The following EDA variants were observed in gnomAD, a reference collection of about 807,000 sequenced individuals.
EDA encodes the protein ectodysplasin A.
In EDA, 2 loss-of-function variants were observed where a neutral mutation model predicts 23.6. That is an observed-to-expected ratio of 0.08 (90% CI 0.03 to 0.27). The LOEUF (loss-of-function observed/expected upper bound fraction) is 0.27, where lower values mean the gene tolerates loss of function less well. Ranked by LOEUF, EDA falls within the 10% of genes least tolerant of loss-of-function variation. The pLI is 1.00. For missense variants in EDA, 229 were observed against 324.2 expected (o/e 0.71, Z 2.26); for synonymous variants, 131 against 132.0 (o/e 0.99, Z 0.05).
At chrX:69,686,239 C>T (rs936721785) in intron 1 of EDA, among the ~76,000 whole-genome samples, 11 of 112,148 alleles carry the variant, frequency 9.8e-5, no homozygotes, top group African/African-American at 9.7e-5. Context: ...TCAGGTAATC[C>T]GCCCACCTTG....
intron 2 of EDA, among the ~76,000 whole-genome samples, chrX:69,976,898 C>T (rs1248962679): frequency 9.0e-6 from 1 of 111,249 alleles, no homozygotes; most frequent in Non-Finnish European, 1.9e-5. Context: ...AAGCCTTGGA[C>T]TAAGTGCCAT....
At chrX:69,701,784 A>G (rs1314966149) in intron 1 of EDA, among the ~76,000 whole-genome samples, 2 of 111,021 alleles carry the variant, frequency 1.8e-5, no homozygotes, top group Non-Finnish European at 3.8e-5. Flanking sequence ...TGACTGCTTT[A>G]TGGACACCCT....
intron 1 of EDA, among the ~76,000 whole-genome samples, chrX:69,653,491 G>A (rs1388991878): frequency 1.8e-5 from 2 of 110,765 alleles, no homozygotes; most frequent in Admixed American, 9.7e-5. Flanking sequence ...TGATTGCCCT[G>A]GCCAGAACTT....
chrX:69,899,543 T>C (rs965549159), intron 1 of EDA, among the ~76,000 whole-genome samples: 1 of 110,488 alleles, frequency 9.1e-6, no homozygotes, highest in Non-Finnish European at 1.9e-5. Flanking sequence ...TGTGTGTGTG[T>C]TTGTGTGCGT....
chrX:69,997,889 G>A (rs760130370), intron 2 of EDA, among the ~76,000 whole-genome samples: 9 of 112,581 alleles, frequency 8.0e-5, no homozygotes, highest in African/African-American at 2.6e-4. Flanking sequence ...TCAAGAATTG[G>A]GGTTTAGGAA....
intron 1 of EDA, among the ~76,000 whole-genome samples, chrX:69,942,370 A>G (rs139881431): frequency 0.013 from 1,454 of 111,118 alleles, 32 homozygotes; most frequent in African/African-American, 0.044. Context: ...TTTTTGTAGG[A>G]CAGGCCTGGT....
At chrX:69,976,759 A>T (rs1200784893) in intron 2 of EDA, among the ~76,000 whole-genome samples, 1 of 105,338 alleles carries the variant, frequency 9.5e-6, no homozygotes, top group Non-Finnish European at 1.9e-5. Flanking sequence ...GGTAGCTGTG[A>T]CAGGGGGAGG....
intron 1 of EDA, among the ~76,000 whole-genome samples, chrX:69,837,252 A>C (rs1163778733): frequency 8.9e-6 from 1 of 111,819 alleles, no homozygotes; most frequent in East Asian, 2.8e-4. Context: ...CCACAATCAG[A>C]GTTGTGGCTT....
At chrX:69,944,698 C>T (rs1025186225) in intron 1 of EDA, among the ~76,000 whole-genome samples, 2 of 111,882 alleles carry the variant, frequency 1.8e-5, no homozygotes, top group Non-Finnish European at 3.8e-5. Context: ...CACTAGATTA[C>T]GTGCATTCCA....
chrX:69,801,693 T>A (rs781456553), intron 1 of EDA, among the ~76,000 whole-genome samples: 73 of 111,847 alleles, frequency 6.5e-4, no homozygotes, highest in African/African-American at 2.2e-3. Flanking sequence ...ATTATAAAAA[T>A]GATTTGAATA....
chrX:69,833,252 G>A (rs967938188), intron 1 of EDA, among the ~76,000 whole-genome samples: 28 of 110,573 alleles, frequency 2.5e-4, no homozygotes, highest in East Asian at 1.4e-3. Flanking sequence ...AGCATGAAGC[G>A]CTGTTGAATT....
chrX:69,825,531 G>T (rs1417960710), intron 1 of EDA, among the ~76,000 whole-genome samples: 1 of 111,617 alleles, frequency 9.0e-6, no homozygotes, highest in Non-Finnish European at 1.9e-5. Context: ...ATTTCTGTGG[G>T]ATCTGTGGTG....
At chrX:70,010,722 C>T (rs2019863377) in intron 2 of EDA, among the ~76,000 whole-genome samples, 1 of 111,745 alleles carries the variant, frequency 8.9e-6, no homozygotes, top group South Asian at 3.8e-4. Flanking sequence ...TTTAATGGAC[C>T]TACAGTTCCA....
In EDA at chrX:69,749,288, A is replaced by G. The variant is rs947925012; in HGVS notation, c.396+132584A>G. On this transcript the variant is annotated intron_variant, in intron 1 of 7. Coordinates refer to ENST00000374552, the MANE Select transcript of EDA (RefSeq NM_001399.5). ...TGAACTCATCATTTCTTATGGCTGC[A>G]TAGTATTCCATGGTGTATATGTGCC... Among the ~76,000 whole-genome samples the G allele has an allele frequency of 5.5e-5, 5 of 91,552 alleles. No homozygotes were observed. In the East Asian group the frequency reaches 1.7e-3, roughly 32 times the overall value. 79.5% of individuals were successfully genotyped at this position (91,552 alleles called of 115,157 possible). A position where few individuals can be genotyped will look rare whatever the true frequency, so the allele number is the denominator to read the frequency against.
chrX:69,735,597 A>G (rs747956017), intron 1 of EDA, among the ~76,000 whole-genome samples: 11 of 111,569 alleles, frequency 9.9e-5, no homozygotes, highest in Non-Finnish European at 1.5e-4. Flanking sequence ...GTGCATGTAC[A>G]GCTTAGGGCT....
At chrX:69,895,877 A>G (rs1033784006) in intron 1 of EDA, among the ~76,000 whole-genome samples, 2 of 112,483 alleles carry the variant, frequency 1.8e-5, no homozygotes, top group African/African-American at 6.5e-5. Flanking sequence ...GTACAAGTCT[A>G]TTCTCTTTTA....
At chrX:69,893,043 G>A (rs1318852087) in intron 1 of EDA, among the ~76,000 whole-genome samples, 3 of 111,289 alleles carry the variant, frequency 2.7e-5, no homozygotes, top group Non-Finnish European at 1.9e-5. Flanking sequence ...CACTCCTGGA[G>A]GCTAGAAGTC....
intron 1 of EDA, among the ~76,000 whole-genome samples, chrX:69,716,105 C>A (rs2012321584): frequency 8.9e-6 from 1 of 111,989 alleles, no homozygotes; most frequent in African/African-American, 3.3e-5. Context: ...GCTTTTGTTG[C>A]AATCGCTTTT....
intron 1 of EDA, among the ~76,000 whole-genome samples, chrX:69,628,054 C>T (rs904609808): frequency 9.0e-6 from 1 of 111,537 alleles, no homozygotes; most frequent in African/African-American, 3.3e-5. Flanking sequence ...TTTTTATTGG[C>T]GTGATGGCAT....
Sources: gnomAD v4.1 joint callset for allele counts (sites outside exome capture counted in the v4.1 genomes callset) on GRCh38, gnomAD v4.1.1 for gene constraint, MANE v1.5 for transcripts, NCBI Gene and HGNC (gene_info 2026-07-23, HGNC 2026-07-21) for gene names.